CACNA2D3: variants seen among roughly 807,000 people sequenced by gnomAD.
CACNA2D3 encodes the protein calcium voltage-gated channel auxiliary subunit alpha2delta 3.
CACNA2D3 carries 60 observed loss-of-function variants against 160.6 expected under a neutral mutation model. The ratio of observed to expected loss-of-function variants is 0.37; its 90% CI spans 0.30 to 0.46. The LOEUF (loss-of-function observed/expected upper bound fraction) is 0.46, where lower values mean the gene tolerates loss of function less well. Ranked by LOEUF, CACNA2D3 falls within the 20% of genes least tolerant of loss-of-function variation. CACNA2D3 has a pLI of 1.00. For missense variants in CACNA2D3, 1,205 were observed against 1,365.0 expected (o/e 0.88, Z 1.85); for synonymous variants, 558 against 492.9 (o/e 1.13, Z -1.75).
chr3:54,727,583 C>A (rs1575444135), intron 11 of CACNA2D3, among the ~76,000 whole-genome samples: 1 of 152,110 alleles, frequency 6.6e-6, no homozygotes, highest in Non-Finnish European at 1.5e-5. Context: ...AGCCATAAAA[C>A]AGGATGAGTT....
chr3:54,348,275 G>GT (rs1288909887), intron 3 of CACNA2D3, among the ~76,000 whole-genome samples: 2 of 152,210 alleles, frequency 1.3e-5, no homozygotes, highest in African/African-American at 4.8e-5. Flanking sequence ...CTCAGCCTGA[G>GT]TAAGTATTGG....
Position 54,444,217 on chromosome 3 carries a change from T to C in CACNA2D3, c.381+57443T>C, listed in dbSNP as rs186299684. Among the ~76,000 whole-genome samples the C allele has an allele frequency of 3.9e-3, 595 of 152,326 alleles. 3 individuals are homozygous for C. The highest frequency in any genetic ancestry group is 5.7e-3 in the Non-Finnish European group (391 of 68,032). On this transcript the variant is annotated intron_variant, in intron 4 of 37. Coordinates refer to ENST00000474759, the MANE Select transcript of CACNA2D3 (RefSeq NM_018398.3). ...GGGGACCTGTGATCCAAACCTGGCC[T>C]GTTAGAGTCTCCCAGGAATTTAATT... is the stretch of plus-strand genomic sequence containing the variant.
At chr3:54,530,327 T>C (rs572537324) in intron 5 of CACNA2D3, among the ~76,000 whole-genome samples, 1 of 152,274 alleles carries the variant, frequency 6.6e-6, no homozygotes, top group African/African-American at 2.4e-5. Flanking sequence ...CCATAGTTGC[T>C]GGTTGAAAGA....
chr3:54,216,870 T>C (rs1322718595), intron 2 of CACNA2D3, among the ~76,000 whole-genome samples: 1 of 152,230 alleles, frequency 6.6e-6, no homozygotes, highest in Non-Finnish European at 1.5e-5. Flanking sequence ...TTGAGGATGC[T>C]GTGGGGCCAA....
At chr3:54,657,567 G>A (rs1699896863) in intron 11 of CACNA2D3, among the ~76,000 whole-genome samples, 1 of 152,098 alleles carries the variant, frequency 6.6e-6, no homozygotes, top group African/African-American at 2.4e-5. Context: ...CCACCATTTT[G>A]TTATCTACTT....
chr3:54,158,934 T>C (rs1175347637), intron 2 of CACNA2D3, among the ~76,000 whole-genome samples: 2 of 152,212 alleles, frequency 1.3e-5, no homozygotes, highest in Non-Finnish European at 2.9e-5. Flanking sequence ...TATGACTTAC[T>C]TTGGCCAGTG....
chr3:54,613,430 GT>G (rs373184058), intron 9 of CACNA2D3, among the ~76,000 whole-genome samples: 19 of 152,244 alleles, frequency 1.2e-4, no homozygotes, highest in African/African-American at 4.3e-4. Context: ...TCCATTTCTT[GT>G]GAATTACAGC....
intron 4 of CACNA2D3, among the ~76,000 whole-genome samples, chr3:54,403,616 C>G (rs1172743006): frequency 1.3e-5 from 2 of 151,662 alleles, no homozygotes; most frequent in African/African-American, 4.8e-5. Context: ...AAGTTAAACC[C>G]AAAGTTAACA....
intron 2 of CACNA2D3, among the ~76,000 whole-genome samples, chr3:54,274,219 T>G (rs1702685970): frequency 1.3e-5 from 2 of 151,976 alleles, no homozygotes; most frequent in African/African-American, 4.8e-5. Context: ...TCTATGCATA[T>G]ATATATATAT....
At chr3:54,179,384 G>T (rs1490320254) in intron 2 of CACNA2D3, among the ~76,000 whole-genome samples, 4 of 152,090 alleles carry the variant, frequency 2.6e-5, no homozygotes, top group Non-Finnish European at 5.9e-5. Context: ...CAGGAATTCT[G>T]TTGCTACTCT....
intron 35 of CACNA2D3, among the ~76,000 whole-genome samples, chr3:55,054,636 C>T (rs1704317376): frequency 6.6e-6 from 1 of 150,926 alleles, no homozygotes. Flanking sequence ...CCATTATCTA[C>T]TAACTCTAAT....
At chr3:54,169,630 AG>A (rs1700522946) in intron 2 of CACNA2D3, among the ~76,000 whole-genome samples, 1 of 152,158 alleles carries the variant, frequency 6.6e-6, no homozygotes, top group Non-Finnish European at 1.5e-5. Flanking sequence ...CAGTGATAGT[AG>A]TGTGCATGTA....
At chr3:54,181,731 C>T (rs1283543889) in intron 2 of CACNA2D3, among the ~76,000 whole-genome samples, 5 of 152,148 alleles carry the variant, frequency 3.3e-5, no homozygotes, top group Non-Finnish European at 7.3e-5. Flanking sequence ...TTCTTGCGAG[C>T]TGGCCAGGTT....
At chr3:54,791,262 CATTT>C (rs1375586230) in intron 13 of CACNA2D3, among the ~76,000 whole-genome samples, 2 of 152,184 alleles carry the variant, frequency 1.3e-5, no homozygotes, top group Non-Finnish European at 2.9e-5. Flanking sequence ...GGGTTACACC[CATTT>C]ATTATTATTT....
At chr3:54,566,709 A>G (rs959837857) in intron 6 of CACNA2D3, among the ~76,000 whole-genome samples, 2 of 152,206 alleles carry the variant, frequency 1.3e-5, no homozygotes, top group Non-Finnish European at 2.9e-5. Context: ...TCACCTTTCT[A>G]TAGCCGTACG....
intron 13 of CACNA2D3, among the ~76,000 whole-genome samples, chr3:54,796,307 C>T (rs1274515080): frequency 2.6e-5 from 4 of 152,060 alleles, no homozygotes; most frequent in Non-Finnish European, 5.9e-5. Context: ...GTACTTGAAC[C>T]CTAGAGTTCT....
intron 2 of CACNA2D3, among the ~76,000 whole-genome samples, chr3:54,222,434 C>G (rs576795172): frequency 1.1e-4 from 17 of 152,316 alleles, no homozygotes; most frequent in South Asian, 6.2e-4. Context: ...GGAGTTTTCT[C>G]TTATTCAGCC....
rs80043231 is a variant in CACNA2D3 at position 54,232,299 on chromosome 3, T to G, written c.205-88143T>G. Reference sequence around the variant, plus strand: ...AGGGAGGTGATGACAGTACCTAGTTTATAGGGTTATTGTGAGCATTAAATG... The same window carrying G: ...AGGGAGGTGATGACAGTACCTAGTTGATAGGGTTATTGTGAGCATTAAATG... On this transcript the variant is annotated intron_variant, in intron 2 of 37. Transcript: ENST00000474759. Among the ~76,000 whole-genome samples, 1,359 of 152,190 alleles carry G rather than the reference T, an allele frequency of 8.9e-3. 24 individuals are homozygous for G. Among genetic ancestry groups the G allele is most frequent in the African/African-American group, 0.031 (1,277 of 41,506 alleles).
At chr3:54,479,486 G>A (rs1022808651) in intron 4 of CACNA2D3, among the ~76,000 whole-genome samples, 3 of 152,156 alleles carry the variant, frequency 2.0e-5, no homozygotes, top group South Asian at 2.1e-4. Flanking sequence ...TTTGGAAACC[G>A]TAATTATAGG....
Sources: gnomAD v4.1 joint callset for allele counts (sites outside exome capture counted in the v4.1 genomes callset) on GRCh38, gnomAD v4.1.1 for gene constraint, MANE v1.5 for transcripts, NCBI Gene and HGNC (gene_info 2026-07-23, HGNC 2026-07-21) for gene names.